C2CD3: variants seen among roughly 807,000 people sequenced by gnomAD.
C2CD3 encodes the protein C2 domain-containing protein 3.
Under a neutral mutation model 234.0 loss-of-function variants are expected in C2CD3, and 148 were observed. The ratio of observed to expected loss-of-function variants is 0.63; its 90% CI spans 0.55 to 0.72. The LOEUF (loss-of-function observed/expected upper bound fraction) is 0.72. C2CD3 is among the 30% of genes least tolerant of loss of function. C2CD3 has a pLI of 0.00. For missense variants in C2CD3, 2,577 were observed against 2,811.5 expected (o/e 0.92, Z 1.89); for synonymous variants, 1,000 against 1,035.4 (o/e 0.97, Z 0.66).
chr11:74,016,194 C>G, intron 32 of C2CD3, among the ~76,000 whole-genome samples: 1 of 152,170 alleles, frequency 6.6e-6, no homozygotes, highest in Middle Eastern at 3.2e-3. Flanking sequence ...TAGGGCTGCT[C>G]AGCTAGAGAG....
Position 74,170,850 on chromosome 11 carries a change from C to A in C2CD3, c.-58G>T, listed in dbSNP as rs1274527082. ...TCCGTCTCCAGCACCTAAGCAGTAT[C>A]CTCCCGCCATCCCTCCCCACGGCGC... On this transcript the variant is annotated 5_prime_UTR_variant, in exon 1 of 33. Transcript: ENST00000334126. 1.2e-6 allele frequency: 2 copies of A among 1,611,808 alleles called. No individual in the cohort carries two copies. The highest frequency in any genetic ancestry group is 1.7e-6 in the Non-Finnish European group (2 of 1,179,176).
chr11:74,150,315 T>C (rs1026341138), intron 3 of C2CD3, among the ~76,000 whole-genome samples: 1 of 142,744 alleles, frequency 7.0e-6, no homozygotes, highest in Non-Finnish European at 1.5e-5. Flanking sequence ...TGTCTCTACT[T>C]AAAAAAAAAA....
At chr11:74,020,612 C>A (rs1373966414) in intron 32 of C2CD3, among the ~76,000 whole-genome samples, 1 of 152,190 alleles carries the variant, frequency 6.6e-6, no homozygotes, top group Non-Finnish European at 1.5e-5. Flanking sequence ...GCATGACAGG[C>A]AGTTGGCAGG....
chr11:74,156,416 G>T (rs1223849271), intron 3 of C2CD3, among the ~76,000 whole-genome samples: 2 of 138,564 alleles, frequency 1.4e-5, no homozygotes, highest in African/African-American at 5.6e-5. Flanking sequence ...AGTTGAGATT[G>T]CATCACTGTA....
chr11:74,033,462 G>A lies in C2CD3; in HGVS notation c.6698C>T (p.Ala2233Val), dbSNP rs1468503725. 1.3e-6 allele frequency: 2 copies of A among 1,536,150 alleles called. No homozygotes were observed. Among genetic ancestry groups the A allele is most frequent in the Admixed American group, 3.9e-5 (2 of 50,992 alleles). ...ATGGTTTTCCCTTCTGCTCTGGGAG[G>A]CTAGATTTAGCGGCAACTTCTTGAA... ...DSFKKLPLNL[A>V]SQSRRENHKG... Residue 2233 changes from alanine to valine, a missense_variant, in exon 31 of 33, where the codon GCC (alanine) becomes GTC (valine). By Grantham distance (64) the Ala-to-Val change is moderately conservative (BLOSUM62 0). Transcript: ENST00000334126.
intron 21 of C2CD3, 182 bp downstream of exon 21, chr11:74,085,436 A>T: frequency 1.6e-6 from 1 of 608,028 alleles, no homozygotes. Flanking sequence ...TTCTCTCTAC[A>T]CTATCTTTCT....
intron 13 of C2CD3, 32 bp from the exon 14 acceptor site, chr11:74,103,657 G>A: frequency 6.4e-7 from 1 of 1,566,028 alleles, no homozygotes; most frequent in Admixed American, 1.9e-5. Context: ...GAGTCAATAA[G>A]AATGTCCTTT....
chr11:74,084,712 A>G (rs1955561396), intron 22 of C2CD3, among the ~76,000 whole-genome samples, 169 bp downstream of exon 22: 1 of 152,212 alleles, frequency 6.6e-6, no homozygotes, highest in Non-Finnish European at 1.5e-5. Flanking sequence ...TAAACTAAAA[A>G]AAAAAAAGTT....
Position 74,132,906 on chromosome 11 carries a change from C to A in C2CD3, c.1155G>T (p.Glu385Asp). Residue 385 changes from glutamate to aspartate, a missense_variant, in exon 7 of 33, where the codon GAG becomes GAT. Physicochemically the swap from Glu to Asp is conservative, Grantham distance 45. Transcript: ENST00000334126. ...TTGTGTCATGTCTCCAAAATGTATTCTCAGTTGAAGGGAGGAGGTGATCTT... is the reference window on the plus strand; with the variant it reads ...TTGTGTCATGTCTCCAAAATGTATTATCAGTTGAAGGGAGGAGGTGATCTT... ...HIEDHLLPST[E>D]NTFWRHDTKA... 6.2e-7 allele frequency: 1 copy of A among 1,613,750 alleles called. No homozygotes were observed. The highest frequency in any genetic ancestry group is 8.5e-7 in the Non-Finnish European group (1 of 1,179,704).
chr11:74,120,344 T>C (rs1238615074), intron 8 of C2CD3, among the ~76,000 whole-genome samples: 1 of 152,184 alleles, frequency 6.6e-6, no homozygotes, highest in Non-Finnish European at 1.5e-5. Context: ...GAACTCATTG[T>C]TCAATTCCCA....
At chr11:74,040,053 T>C (rs1424173709) in intron 29 of C2CD3, among the ~76,000 whole-genome samples, 1 of 152,240 alleles carries the variant, frequency 6.6e-6, no homozygotes, top group Non-Finnish European at 1.5e-5. Context: ...GCTGTGTTCG[T>C]GGCCTATTAG....
chr11:74,071,620 G>C (rs1954795601), intron 24 of C2CD3, among the ~76,000 whole-genome samples: 1 of 152,216 alleles, frequency 6.6e-6, no homozygotes, highest in South Asian at 2.1e-4. Context: ...AAGGATTAAA[G>C]GGGATACAGG....
At chr11:74,125,948 A>G (rs1205754630) in intron 7 of C2CD3, among the ~76,000 whole-genome samples, 4 of 152,108 alleles carry the variant, frequency 2.6e-5, no homozygotes, top group African/African-American at 7.2e-5. Context: ...CATATACCCG[A>G]AATCTCCTTC....
rs75903804 is a variant in C2CD3, at chr11:74,086,382, G to A, written c.3642-496C>T. On this transcript the variant is annotated intron_variant, in intron 20 of 32. Transcript: ENST00000334126. The stretch of plus-strand genomic sequence containing the variant: ...TTATCTAGACGGAGGGAATACTAGA[G>A]TAAAGCTAAAGCTATAACTGGTGAA... 2.1e-3 allele frequency among the ~76,000 whole-genome samples: 323 copies of A among 152,342 alleles called. 1 individual carries two copies. The highest frequency in any genetic ancestry group is 4.0e-3 in the Non-Finnish European group (271 of 68,028).
At position 74,109,222 on chromosome 11, in the gene C2CD3, A is replaced by G. The variant is rs989725163; in HGVS notation, c.1844-70T>C. On this transcript the variant is annotated intron_variant, in intron 11 of 32. Transcript: ENST00000334126. ...GAAGTCATCATCAATTCATGCCTTG[A>G]TACCACCTGCCTCCCTTTCAAATTT... is the stretch of plus-strand genomic sequence containing the variant. 10 of 736,192 alleles carry G rather than the reference A, an allele frequency of 1.4e-5. No homozygotes were observed. The African/African-American group carries it at 1.9e-4, about 14-fold the overall frequency. 45.6% of individuals were successfully genotyped at this position (736,192 alleles called of 1,614,324 possible). A position where few individuals can be genotyped will look rare whatever the true frequency, so the allele number is the denominator to read the frequency against.
At chr11:74,045,577 CT>C (rs5792642) in intron 28 of C2CD3, among the ~76,000 whole-genome samples, 78,908 of 144,516 alleles carry the variant, frequency 0.55, 20,782 homozygotes, top group African/African-American at 0.67. Context: ...TTTTTCTTTC[CT>C]TTTTTTTTTG....
chr11:74,103,118 T>C lies in C2CD3; in HGVS notation c.2580+13A>G, dbSNP rs1466002920. The stretch of plus-strand genomic sequence containing the variant: ...CTATATTCCTCTAATGGATATGGAA[T>C]GTACAAAGTTACCTGAGAAAAGTTA... On this transcript the variant is annotated intron_variant, in intron 14 of 32. Transcript: ENST00000334126. 6.2e-7 allele frequency: 1 copy of C among 1,600,780 alleles called. No homozygotes were observed. Among genetic ancestry groups the C allele is most frequent in the Non-Finnish European group, 8.5e-7 (1 of 1,172,210 alleles).
chr11:74,098,084 T>C lies in C2CD3; in HGVS notation c.2904A>G (p.Glu968=). Residue 968 remains glutamate (E), a synonymous_variant, in exon 16 of 33, where the codon GAA becomes GAG. Transcript: ENST00000334126. ...GGCTGAAGGGAGGGAGTGTTCCTTC[T>C]TCATTCTTTAATCTTTGTAGTGCCA... The part of the protein sequence containing the change: ...QIMALQRLKN[E]EGTLPPFSPR... 3 of 1,613,692 alleles carry C rather than the reference T, an allele frequency of 1.9e-6. No homozygotes were observed. Among genetic ancestry groups the C allele is most frequent in the Non-Finnish European group, 8.5e-7 (1 of 1,179,552 alleles).
chr11:74,130,145 G>A (rs1463512160), intron 7 of C2CD3, among the ~76,000 whole-genome samples: 1 of 139,030 alleles, frequency 7.2e-6, no homozygotes, highest in African/African-American at 2.9e-5. Context: ...GGGAGAGGGA[G>A]AGGGGAGAGG....
Sources: gnomAD v4.1 joint callset for allele counts (sites outside exome capture counted in the v4.1 genomes callset) on GRCh38, gnomAD v4.1.1 for gene constraint, MANE v1.5 for transcripts, NCBI Gene and HGNC (gene_info 2026-07-23, HGNC 2026-07-21) for gene names.